DHRSX: variants seen among roughly 807,000 people sequenced by gnomAD.
The protein encoded by DHRSX is dehydrogenase/reductase X-linked, also known as polyprenol dehydrogenase.
DHRSX carries 31 observed loss-of-function variants against 34.0 expected under a neutral mutation model. The observed-to-expected ratio is 0.91, with a 90% confidence interval of 0.69 to 1.23. The LOEUF (loss-of-function observed/expected upper bound fraction) is 1.23, where lower values mean the gene tolerates loss of function less well. DHRSX is among the 50% of genes most tolerant of loss of function. The pLI is 0.00. For missense variants in DHRSX, 414 were observed against 428.1 expected (o/e 0.97, Z 0.29); for synonymous variants, 201 against 183.8 (o/e 1.09, Z -0.76).
chrX:2,473,193 C>T (rs73622912), intron 1 of DHRSX, among the ~76,000 whole-genome samples: 31,279 of 151,902 alleles, frequency 0.21, 4,315 homozygotes, highest in African/African-American at 0.39. Context: ...AGGGACAACA[C>T]GTGGGACGCC....
rs1391127254 is a variant in DHRSX at position 2,315,163 on chromosome X, A to T, written c.287-23560T>A. Among the ~76,000 whole-genome samples the T allele has an allele frequency of 3.7e-5, 3 of 81,406 alleles. No individual in the cohort carries two copies. The Admixed American group carries it at 3.9e-4, about 11-fold the overall frequency. 53.4% of individuals were successfully genotyped at this position (81,406 alleles called of 152,430 possible). A position where few individuals can be genotyped will look rare whatever the true frequency, so the allele number is the denominator to read the frequency against. ...GCAAGAGTGAAACTCCGTTTCAATA[A>T]AAAAAAAAAAAACGTTAGGTCTTAA... is the stretch of plus-strand genomic sequence containing the variant. On this transcript the variant is annotated intron_variant, in intron 3 of 6. Coordinates refer to ENST00000334651, the MANE Select transcript of DHRSX (RefSeq NM_145177.3).
chrX:2,482,938 C>T (rs1275719866), intron 1 of DHRSX, among the ~76,000 whole-genome samples: 1 of 152,138 alleles, frequency 6.6e-6, no homozygotes, highest in African/African-American at 2.4e-5. Flanking sequence ...AGCAATGCTA[C>T]CAAAACAGGG....
intron 4 of DHRSX, among the ~76,000 whole-genome samples, chrX:2,271,598 C>G (rs2041555632): frequency 6.6e-6 from 1 of 152,084 alleles, no homozygotes; most frequent in African/African-American, 2.4e-5. Context: ...GAGTATAAAC[C>G]AACTGGGAGG....
At chrX:2,305,895 C>A (rs747585351) in intron 3 of DHRSX, among the ~76,000 whole-genome samples, 4 of 152,002 alleles carry the variant, frequency 2.6e-5, no homozygotes, top group Non-Finnish European at 5.9e-5. Context: ...ATGTAGATAA[C>A]GAGTTGATGG....
rs778397544 is a variant in DHRSX, at chrX:2,478,847, A to G, written c.109+21970T>C. On this transcript the variant is annotated intron_variant, in intron 1 of 6. Transcript: ENST00000334651. The stretch of plus-strand genomic sequence containing the variant: ...TAAGAAGTGAAGACGCTCCCTAAGA[A>G]TGTGGCCAAGGGACCACCACGGTGT... Among the ~76,000 whole-genome samples the G allele has an allele frequency of 3.9e-5, 6 of 151,938 alleles. No individual in the cohort carries two copies. The East Asian group carries it at 1.2e-3, about 30-fold the overall frequency.
chrX:2,298,985 CAA>C lies in DHRSX; in HGVS notation c.287-7384_287-7383del, dbSNP rs1162323678. On this transcript the variant is annotated intron_variant, in intron 3 of 6. Transcript: ENST00000334651. The stretch of plus-strand genomic sequence containing the variant: ...GGGCAACAAGAGTGAAACTCTGTCT[CAA>C]AAAAAAAAAAAAAAAAAAAAAAAAA... Among the ~76,000 whole-genome samples, 553 of 88,440 alleles carry C rather than the reference CAA, an allele frequency of 6.3e-3. 1 individual carries two copies. The highest frequency in any genetic ancestry group is 0.026 in the African/African-American group (480 of 18,356). 58.0% of individuals were successfully genotyped at this position (88,440 alleles called of 152,430 possible). A position where few individuals can be genotyped will look rare whatever the true frequency, so the allele number is the denominator to read the frequency against.
chrX:2,489,422 G>A (rs762434943), intron 1 of DHRSX: 25 of 1,613,798 alleles, frequency 1.5e-5, no homozygotes, highest in African/African-American at 8.0e-5. Flanking sequence ...GATGTTGAGC[G>A]TGGTGTTCAG....
At chrX:2,386,745 A>G (rs999019559) in intron 3 of DHRSX, among the ~76,000 whole-genome samples, 3 of 152,174 alleles carry the variant, frequency 2.0e-5, no homozygotes, top group African/African-American at 7.2e-5. Context: ...TCATATTTTT[A>G]TTACATGTTA....
chrX:2,297,460 T>C (rs1183933613), intron 3 of DHRSX, among the ~76,000 whole-genome samples: 3 of 152,160 alleles, frequency 2.0e-5, no homozygotes, highest in Non-Finnish European at 4.4e-5. Flanking sequence ...GTAGGCTAAA[T>C]GACGGTATCC....
chrX:2,463,566 C>G (rs188812770), intron 1 of DHRSX, among the ~76,000 whole-genome samples: 7 of 152,244 alleles, frequency 4.6e-5, no homozygotes, highest in African/African-American at 1.7e-4. Context: ...AGCTGCAATT[C>G]CAGAAAGCAA....
chrX:2,246,489 G>A (rs1232816592), intron 5 of DHRSX, among the ~76,000 whole-genome samples: 1 of 151,896 alleles, frequency 6.6e-6, no homozygotes, highest in Non-Finnish European at 1.5e-5. Context: ...TGGACGTGCT[G>A]GCGGGTGCCT....
At chrX:2,223,020 A>T (rs760493749) in intron 6 of DHRSX, among the ~76,000 whole-genome samples, 27 of 152,160 alleles carry the variant, frequency 1.8e-4, no homozygotes, top group African/African-American at 6.3e-4. Context: ...AAATGGATGG[A>T]GCTAGAGAAC....
chrX:2,249,437 A>G (rs2016381261), intron 5 of DHRSX, among the ~76,000 whole-genome samples: 1 of 135,406 alleles, frequency 7.4e-6, no homozygotes, highest in African/African-American at 2.7e-5. Flanking sequence ...TGACCTCGTG[A>G]TCTGCCCACC....
chrX:2,312,198 A>T (rs2042172472), intron 3 of DHRSX, among the ~76,000 whole-genome samples: 1 of 152,092 alleles, frequency 6.6e-6, no homozygotes, highest in South Asian at 2.1e-4. Flanking sequence ...AAATCAAGAG[A>T]AATCTTGAGT....
At chrX:2,412,237 G>A (rs1401205941) in intron 2 of DHRSX, among the ~76,000 whole-genome samples, 3 of 152,160 alleles carry the variant, frequency 2.0e-5, no homozygotes, top group Non-Finnish European at 4.4e-5. Context: ...ATGTGCAATG[G>A]AAATTGGTAT....
chrX:2,332,900 T>C (rs2042498512), intron 3 of DHRSX, among the ~76,000 whole-genome samples: 1 of 152,094 alleles, frequency 6.6e-6, no homozygotes, highest in African/African-American at 2.4e-5. Context: ...CTGCGGTGAG[T>C]ACCATTTTAC....
chrX:2,361,339 T>C (rs1275494958), intron 3 of DHRSX, among the ~76,000 whole-genome samples: 2 of 152,074 alleles, frequency 1.3e-5, no homozygotes, highest in African/African-American at 4.8e-5. Context: ...ACTCCTGACT[T>C]CGTGATACAC....
At chrX:2,320,881 G>A (rs1183712755) in intron 3 of DHRSX, among the ~76,000 whole-genome samples, 3 of 152,046 alleles carry the variant, frequency 2.0e-5, no homozygotes, top group African/African-American at 4.8e-5. Context: ...CAGCAGCCAT[G>A]ACGTGTCGGT....
chrX:2,436,858 C>A (rs2043998116), intron 1 of DHRSX, among the ~76,000 whole-genome samples: 1 of 151,996 alleles, frequency 6.6e-6, no homozygotes, highest in East Asian at 1.9e-4. Context: ...ATCTCAAACT[C>A]CTGGCCTCAA....
Sources: gnomAD v4.1 joint callset for allele counts (sites outside exome capture counted in the v4.1 genomes callset) on GRCh38, gnomAD v4.1.1 for gene constraint, MANE v1.5 for transcripts, NCBI Gene and HGNC (gene_info 2026-07-23, HGNC 2026-07-21) for gene names.